Variants in USP42 observed in about 807,000 individuals in gnomAD.
USP42 encodes ubiquitin carboxyl-terminal hydrolase 42.
Under a neutral mutation model 113.0 loss-of-function variants are expected in USP42, and 23 were observed. The observed-to-expected ratio is 0.20, with a 90% CI of 0.15 to 0.29. The LOEUF (loss-of-function observed/expected upper bound fraction) is 0.29. USP42 is among the 10% of genes least tolerant of loss of function. The probability of loss-of-function intolerance (pLI) is 1.00; values close to 1 mark genes in which losing one functional copy is unlikely to be tolerated. For missense variants in USP42, 2,174 were observed against 1,779.8 expected (o/e 1.22, Z -3.99); for synonymous variants, 933 against 699.0 (o/e 1.33, Z -5.28).
chr7:6,104,602 G>A (rs1051811045), upstream of USP42, among the ~76,000 whole-genome samples: 5 of 152,194 alleles, frequency 3.3e-5, no homozygotes, highest in Non-Finnish European at 1.5e-5. Context: ...AAAGTCCTAC[G>A]CCCGCCGCGC....
chr7:6,152,837 A>C, intron 14 of USP42: 1 of 546,280 alleles, frequency 1.8e-6, no homozygotes, highest in Non-Finnish European at 2.3e-6. Context: ...CAGTAATTGG[A>C]GGAGCTGCTG....
At chr7:6,156,299 G>C (rs904242932) in intron 15 of USP42, among the ~76,000 whole-genome samples, 9 of 152,178 alleles carry the variant, frequency 5.9e-5, no homozygotes, top group Non-Finnish European at 8.8e-5. Context: ...AGTAACTACT[G>C]GTTTCGGGAA....
chr7:6,094,714 G>C, the USP42 span, among the ~76,000 whole-genome samples: 24 of 150,856 alleles, frequency 1.6e-4, no homozygotes, highest in Non-Finnish European at 3.1e-4. Context: ...ACTATTCTCT[G>C]CGATTTTCTC....
chr7:6,135,815 T>G, intron 3 of USP42, 26 bp from the exon 4 acceptor site: 1 of 1,511,336 alleles, frequency 6.6e-7, no homozygotes, highest in Non-Finnish European at 9.0e-7. Context: ...TTTTGCTAAT[T>G]TGGAGGATTA....
chr7:6,110,716 G>T (rs1201995711), intron 1 of USP42, among the ~76,000 whole-genome samples: 1 of 152,150 alleles, frequency 6.6e-6, no homozygotes, highest in Non-Finnish European at 1.5e-5. Flanking sequence ...TACTCAAATT[G>T]AAGATGTAGT....
intron 17 of USP42, 47 bp from the exon 18 acceptor site, chr7:6,160,508 C>A (rs963714570): frequency 6.5e-6 from 1 of 152,684 alleles, no homozygotes; most frequent in Non-Finnish European, 1.5e-5. Context: ...GCCCTACACG[C>A]CGCCGCCTGC....
intron 4 of USP42, 50 bp downstream of exon 4, chr7:6,136,001 AC>A (rs1562830334): frequency 1.2e-4 from 111 of 916,954 alleles, no homozygotes; most frequent in East Asian, 2.6e-4. Context: ...ACCTAGTTAT[AC>A]TTTTTTTTTT....
In USP42 at chr7:6,121,853, G is replaced by C. The variant is rs371488627; in HGVS notation, c.442+6330G>C. On this transcript the variant is annotated intron_variant, in intron 3 of 17. Transcript: ENST00000306177. ...TTTAAATTATTTTTGTAGAGACGAG[G>C]TCTCACTATGTTGCCCAGGGTAGTC... Among the ~76,000 whole-genome samples, 15 of 152,228 alleles carry C rather than the reference G, an allele frequency of 9.9e-5. No individual in the cohort carries two copies. The East Asian group carries it at 1.2e-3, about 12-fold the overall frequency.
At position 6,144,114 on chromosome 7, in the gene USP42, G is replaced by A. The variant is rs1300530653; in HGVS notation, c.908G>A (p.Arg303Lys). 1 of 1,577,766 alleles carries A rather than the reference G, an allele frequency of 6.3e-7. No individual in the cohort carries two copies. The highest frequency in any genetic ancestry group is 8.6e-7 in the Non-Finnish European group (1 of 1,168,606). ...AAAAAGATGGTTCCAGCTTCAAAGA[G>A]GTTCACTATCCATAGATCCTCTAAT... ...KCKKMVPASK[R>K]FTIHRSSNVL... Residue 303 changes from arginine (R) to lysine (K), a missense_variant, in exon 9 of 18, where the codon AGG becomes AAG. Physicochemically the swap from Arg to Lys is conservative, Grantham distance 26 (BLOSUM62 2). Transcript: ENST00000306177.
intron 9 of USP42, among the ~76,000 whole-genome samples, 180 bp from the exon 10 acceptor site, chr7:6,145,336 A>T (rs971238985): frequency 6.6e-6 from 1 of 152,180 alleles, no homozygotes; most frequent in Admixed American, 6.5e-5. Flanking sequence ...ATCTCAAAAA[A>T]AAAAAAAAGA....
chr7:6,086,347 A>G, the USP42 span, among the ~76,000 whole-genome samples: 1 of 150,250 alleles, frequency 6.7e-6, no homozygotes, highest in Non-Finnish European at 1.5e-5. Flanking sequence ...CTGGGACTAC[A>G]GGTGCCTGCC....
Position 6,154,919 on chromosome 7 carries a change from C to T in USP42, c.3365C>T (p.Pro1122Leu). 2 of 1,549,480 alleles carry T rather than the reference C, an allele frequency of 1.3e-6. No homozygotes were observed. Among genetic ancestry groups the T allele is most frequent in the Non-Finnish European group, 1.7e-6 (2 of 1,146,194 alleles). Residue 1122 changes from proline (P) to leucine (L), a missense_variant, in exon 15 of 18, where the codon CCC becomes CTC. Transcript: ENST00000306177. ...CCCAGCAGCCCCCGCGCAGGCGCGC[C>T]CCACGCCCTCGCCCCGCACCCCGAC... ...HRPSSPRAGA[P>L]HALAPHPDRF...
At chr7:6,101,738 C>T (rs1174460962), upstream of USP42, among the ~76,000 whole-genome samples, 1 of 151,040 alleles carries the variant, frequency 6.6e-6, no homozygotes, top group Non-Finnish European at 1.5e-5. Context: ...CCCCTCCAAC[C>T]TTAGAGCCTG....
chr7:6,125,113 G>C (rs1038066712), intron 3 of USP42, among the ~76,000 whole-genome samples: 2 of 150,904 alleles, frequency 1.3e-5, no homozygotes, highest in African/African-American at 4.9e-5. Flanking sequence ...CCCGGGAGTT[G>C]GAGGTTTCAG....
chr7:6,106,984 A>G (rs137948718), intron 1 of USP42, among the ~76,000 whole-genome samples: 298 of 152,366 alleles, frequency 2.0e-3, no homozygotes, highest in African/African-American at 6.6e-3. Flanking sequence ...AGGAACATGC[A>G]AGTATATGAA....
Position 6,153,776 on chromosome 7 carries a change from G to T in USP42, c.2222G>T (p.Gly741Val), listed in dbSNP as rs1277030975. Residue 741 changes from glycine to valine, a missense_variant, in exon 15 of 18, where the codon GGC becomes GTC. Transcript: ENST00000306177. ...TGCAGTGCACCTGGAGCAGAGAGGG[G>T]CCCTCCCGAGGACCGCGACGCCGAG... Reference protein sequence around the residue: ...DEMSAPGAERGPPEDRDAEPQ... With the variant: ...DEMSAPGAERVPPEDRDAEPQ... The T allele has an allele frequency of 1.4e-6, 2 of 1,476,244 alleles. No individual in the cohort carries two copies. The highest frequency in any genetic ancestry group is 2.9e-5 in the African/African-American group (2 of 68,990). The allele number at this position is 1,476,244 out of a possible 1,614,324, so 91.4% of individuals were successfully genotyped here.
At chr7:6,095,133 A>G in the USP42 span, among the ~76,000 whole-genome samples, 1 of 151,234 alleles carries the variant, frequency 6.6e-6, no homozygotes, top group Admixed American at 6.6e-5. Context: ...CTGTAAGTCA[A>G]GGAACCAGTT....
rs960564576 is a variant in USP42 at position 6,119,236 on chromosome 7, G to C, written c.442+3713G>C. Among the ~76,000 whole-genome samples the C allele has an allele frequency of 2.0e-5, 3 of 152,036 alleles. No homozygotes were observed. The South Asian group carries it at 6.2e-4, about 32-fold the overall frequency. ...TCTCAAAAAAAAAGTTTTGGAACCA[G>C]GTAAGTCCTCCAACTTTGTTCTTTC... On this transcript the variant is annotated intron_variant, in intron 3 of 17. Coordinates refer to ENST00000306177, the MANE Select transcript of USP42 (RefSeq NM_032172.3).
chr7:6,137,730 A>C (rs1309726871), intron 4 of USP42, among the ~76,000 whole-genome samples: 1 of 152,104 alleles, frequency 6.6e-6, no homozygotes, highest in African/African-American at 2.4e-5. Context: ...CCTAGGCTGG[A>C]GTGCAGTGGT....
Sources: gnomAD v4.1 joint callset for allele counts (sites outside exome capture counted in the v4.1 genomes callset) on GRCh38, gnomAD v4.1.1 for gene constraint, MANE v1.5 for transcripts, NCBI Gene and HGNC (gene_info 2026-07-23, HGNC 2026-07-21) for gene names.